The following WWP2 variants were observed in gnomAD, a reference collection of about 807,000 sequenced individuals.
WWP2 encodes the protein NEDD4-like E3 ubiquitin-protein ligase WWP2.
In WWP2, 57 loss-of-function variants were observed where a neutral mutation model predicts 121.0. That is an observed-to-expected ratio of 0.47 (90% confidence interval 0.38 to 0.59). The LOEUF (loss-of-function observed/expected upper bound fraction) is 0.59. WWP2 is among the 20% of genes least tolerant of loss of function. The pLI, the probability that WWP2 is intolerant of heterozygous loss-of-function variation, is 0.00. For missense variants in WWP2, 962 were observed against 1,158.9 expected (o/e 0.83, Z 2.47); for synonymous variants, 449 against 441.3 (o/e 1.02, Z -0.22).
intron 2 of WWP2, among the ~76,000 whole-genome samples, chr16:69,788,933 C>T (rs1209691969): frequency 6.6e-6 from 1 of 152,138 alleles, no homozygotes; most frequent in Non-Finnish European, 1.5e-5. Context: ...TGAGCTCAGA[C>T]CCCTCAGCCT....
intron 4 of WWP2, among the ~76,000 whole-genome samples, chr16:69,837,903 G>A (rs1385220513): frequency 6.6e-6 from 1 of 152,130 alleles, no homozygotes; most frequent in Non-Finnish European, 1.5e-5. Flanking sequence ...AGAAGGATCA[G>A]AAGGATCAAG....
chr16:69,802,226 C>G (rs931198384), intron 4 of WWP2, among the ~76,000 whole-genome samples: 3 of 152,110 alleles, frequency 2.0e-5, no homozygotes, highest in Non-Finnish European at 4.4e-5. Context: ...CGTGCCTGGC[C>G]TATATTTATT....
chr16:69,791,427 C>T (rs921472956), intron 2 of WWP2, among the ~76,000 whole-genome samples: 3 of 152,100 alleles, frequency 2.0e-5, no homozygotes, highest in Admixed American at 2.0e-4. Flanking sequence ...AGGGTTTCAC[C>T]GTATTGGTCA....
At chr16:69,796,353 C>G (rs1350942995) in intron 2 of WWP2, among the ~76,000 whole-genome samples, 1 of 152,180 alleles carries the variant, frequency 6.6e-6, no homozygotes, top group African/African-American at 2.4e-5. Context: ...TACTCCTAAT[C>G]TGCCGAGCAT....
intron 6 of WWP2, among the ~76,000 whole-genome samples, chr16:69,847,592 G>A (rs1430631628): frequency 6.6e-6 from 1 of 151,804 alleles, no homozygotes; most frequent in African/African-American, 2.4e-5. Context: ...ATTTTTAGTA[G>A]AGATGGGGTT....
At position 69,765,677 on chromosome 16, in the gene WWP2, A is replaced by G. The variant is rs139337909; in HGVS notation, c.-16+3286A>G. Among the ~76,000 whole-genome samples the G allele has an allele frequency of 1.5e-3, 228 of 152,318 alleles. 1 individual carries two copies. Among genetic ancestry groups the G allele is most frequent in the Admixed American group, 5.2e-3 (80 of 15,300 alleles). On this transcript the variant is annotated intron_variant, in intron 1 of 23. Transcript: ENST00000359154. ...CATCTCTACCCAAAATACAAAAATT[A>G]GCTGGGCTTGTTGGCACATGTGTCT...
rs200978403 is a variant in WWP2, at chr16:69,935,957, T to G, written c.1947T>G (p.Pro649=). The G allele has an allele frequency of 6.2e-7, 1 of 1,614,054 alleles. No homozygotes were observed. The highest frequency in any genetic ancestry group is 1.3e-5 in the African/African-American group (1 of 75,026). Reference sequence around the variant, plus strand: ...TGAAAGACCTGGAGTCCATTGACCCTGAGTTCTACAACTCCATTGTCTGGA... The same window carrying G: ...TGAAAGACCTGGAGTCCATTGACCCGGAGTTCTACAACTCCATTGTCTGGA... ...PTLKDLESID[P]EFYNSIVWIK... Residue 649 remains proline, a synonymous_variant, in exon 18 of 24, where the codon CCT becomes CCG. Coordinates refer to ENST00000359154, the MANE Select transcript of WWP2 (RefSeq NM_001270454.2). This position sits in a 1 kb window ranked among gnomAD's most constrained non-coding sequence, Gnocchi z 5.2.
At chr16:69,808,417 T>A (rs2056324210) in intron 4 of WWP2, among the ~76,000 whole-genome samples, 2 of 152,078 alleles carry the variant, frequency 1.3e-5, no homozygotes, top group South Asian at 4.1e-4. Context: ...TTTATTTTTT[T>A]TGAGATGGAG....
At chr16:69,763,069 A>C (rs888683220) in intron 1 of WWP2, among the ~76,000 whole-genome samples, 5 of 151,208 alleles carry the variant, frequency 3.3e-5, no homozygotes, top group Non-Finnish European at 5.9e-5. Flanking sequence ...AAACAAAAAA[A>C]GAAAATAAAT....
In WWP2 at chr16:69,792,776, C is replaced by T. The variant is rs576980376; in HGVS notation, c.70+5696C>T. 6.6e-5 allele frequency among the ~76,000 whole-genome samples: 10 copies of T among 152,290 alleles called. No homozygotes were observed. The South Asian group carries it at 1.7e-3, about 25-fold the overall frequency. ...GCACAATTACAGCTCACTACAGCCTCGACCTCCTGGGCTCCAGGGATCCTC... is the reference window on the plus strand; with the variant it reads ...GCACAATTACAGCTCACTACAGCCTTGACCTCCTGGGCTCCAGGGATCCTC... On this transcript the variant is annotated intron_variant, in intron 2 of 23. Transcript: ENST00000359154.
intron 13 of WWP2, 144 bp downstream of exon 13, chr16:69,930,402 T>C (rs2058695201): frequency 1.5e-6 from 2 of 1,320,292 alleles, no homozygotes; most frequent in Non-Finnish European, 2.0e-6. Flanking sequence ...GTTGATGTCA[T>C]ATTAAAGGGG....
chr16:69,778,128 TACAC>T (rs1212651667), intron 1 of WWP2, among the ~76,000 whole-genome samples: 8 of 143,872 alleles, frequency 5.6e-5, no homozygotes, highest in African/African-American at 1.3e-4. Context: ...TACACATAGA[TACAC>T]ACACACACAC....
At chr16:69,792,952 A>T (rs1424405689) in intron 2 of WWP2, among the ~76,000 whole-genome samples, 1 of 152,112 alleles carries the variant, frequency 6.6e-6, no homozygotes, top group Non-Finnish European at 1.5e-5. Context: ...CGGCCTCCTA[A>T]AGTGTTGCAA....
At chr16:69,798,042 G>A (rs532834600) in intron 2 of WWP2, among the ~76,000 whole-genome samples, 6 of 152,248 alleles carry the variant, frequency 3.9e-5, no homozygotes, top group East Asian at 3.9e-4. Context: ...TACACCATGC[G>A]TTTTTAACCC....
At chr16:69,786,442 CTTTTTTTTTTTTTTT>C (rs957224996) in intron 1 of WWP2, among the ~76,000 whole-genome samples, 127 of 85,406 alleles carry the variant, frequency 1.5e-3, no homozygotes, top group African/African-American at 7.1e-3. Context: ...CCCAGCCAAT[CTTTTTTTTTTTTTTT>C]TTTTTTTTTT....
At position 69,931,931 on chromosome 16, in the gene WWP2, T is replaced by A. The variant is rs773966457; in HGVS notation, c.1682+41T>A. The A allele has an allele frequency of 3.8e-6, 6 of 1,571,048 alleles. No individual in the cohort carries two copies. The East Asian group carries it at 1.3e-4, about 35-fold the overall frequency. ...CCGGAAGGCTGCCCTGTACCCCGCT[T>A]CCCCAGGCTACAGCATCAATGGCCA... On this transcript the variant is annotated intron_variant, in intron 16 of 23. Transcript: ENST00000359154.
At chr16:69,814,494 G>A (rs1258114083) in intron 4 of WWP2, among the ~76,000 whole-genome samples, 1 of 152,116 alleles carries the variant, frequency 6.6e-6, no homozygotes, top group Non-Finnish European at 1.5e-5. Context: ...TGCACAGAAG[G>A]CGATTTGAGA....
At chr16:69,936,522 G>T in intron 19 of WWP2, 70 bp downstream of exon 19, 1 of 1,597,598 alleles carries the variant, frequency 6.3e-7, no homozygotes, top group Non-Finnish European at 8.5e-7. Flanking sequence ...AGAGAAAGAT[G>T]GGCCCCCACC....
chr16:69,908,875 G>A, intron 9 of WWP2, 25 bp downstream of exon 9: 3 of 1,614,092 alleles, frequency 1.9e-6, no homozygotes, highest in Non-Finnish European at 2.5e-6. Context: ...GAGAAGACCT[G>A]AGACTCTGGA....
Sources: allele counts gnomAD v4.1 joint callset (sites outside exome capture counted in the v4.1 genomes callset), GRCh38; gene constraint gnomAD v4.1.1; non-coding constraint Gnocchi (gnomAD v3.1); transcripts MANE v1.5; gene names NCBI Gene and HGNC (gene_info 2026-07-23, HGNC 2026-07-21).